CCDC18: variants seen among roughly 807,000 people sequenced by gnomAD.
CCDC18 encodes the protein coiled-coil domain containing 18, also known as coiled-coil domain-containing protein 18.
A neutral mutation model predicts 196.0 loss-of-function variants in CCDC18; 157 were observed. The ratio of observed to expected loss-of-function variants is 0.80; its 90% confidence interval spans 0.70 to 0.91. The LOEUF (loss-of-function observed/expected upper bound fraction) is 0.91. CCDC18 is among the 40% of genes least tolerant of loss of function. The probability of loss-of-function intolerance (pLI) is 0.00; values close to 1 mark genes in which losing one functional copy is unlikely to be tolerated. For synonymous variants in CCDC18, 482 were observed against 529.2 expected (o/e 0.91, Z 1.22); for missense variants, 1,465 against 1,611.6 (o/e 0.91, Z 1.56).
chr1:93,217,381 T>G (rs148607778), intron 13 of CCDC18, among the ~76,000 whole-genome samples: 1 of 152,356 alleles, frequency 6.6e-6, no homozygotes, highest in African/African-American at 2.4e-5. Flanking sequence ...ACTGTGGTTC[T>G]TTAAAGAATG....
chr1:93,255,563 T>C (rs1026270172), intron 24 of CCDC18, among the ~76,000 whole-genome samples: 6 of 152,054 alleles, frequency 3.9e-5, no homozygotes, highest in African/African-American at 9.7e-5. Flanking sequence ...GTGGGACCCC[T>C]GTCTCTACAA....
chr1:93,207,392 G>A lies in CCDC18; in HGVS notation c.1203G>A (p.Gln401=). The A allele has an allele frequency of 6.3e-7, 1 of 1,586,766 alleles. No homozygotes were observed. ...GAAGTTTGGAAAAGATTATATCCCA[G>A]TTGCCAGTAAGTATGTGTGATTACG... ...ELRSLEKIIS[Q]LPLKRELFGF... is the part of the protein sequence containing the mutation. Residue 401 remains glutamine (Q), a synonymous_variant, in exon 9 of 29, where the codon CAG becomes CAA. Coordinates refer to ENST00000690025, the MANE Select transcript of CCDC18 (RefSeq NM_001378204.1).
upstream of CCDC18, chr1:93,180,710 A>T (rs752037190): frequency 2.9e-6 from 4 of 1,358,690 alleles, no homozygotes; most frequent in African/African-American, 4.5e-5. Context: ...GCGCGTCCCA[A>T]CGGCTCCCGC....
chr1:93,236,198 AAG>A, intron 18 of CCDC18, 48 bp from the exon 19 acceptor site: 1 of 1,452,208 alleles, frequency 6.9e-7, no homozygotes, highest in South Asian at 1.3e-5. Context: ...ATATTTATAA[AAG>A]TATTTTTCTT....
In CCDC18 at chr1:93,184,033, C is replaced by G; in HGVS notation, c.190C>G (p.Leu64Val). 1 of 1,587,166 alleles carries G rather than the reference C, an allele frequency of 6.3e-7. No individual in the cohort carries two copies. Among genetic ancestry groups the G allele is most frequent in the Non-Finnish European group, 8.6e-7 (1 of 1,163,380 alleles). Residue 64 changes from leucine to valine, a missense_variant, in exon 3 of 29, where the codon CTA becomes GTA. Coordinates refer to ENST00000690025, the MANE Select transcript of CCDC18 (RefSeq NM_001378204.1). Reference protein sequence around the residue: ...YAPNPSRSEKLILDVQPSHPG... With the variant: ...YAPNPSRSEKVILDVQPSHPG... Reference sequence around the variant, plus strand: ...CCCTAATCCTTCAAGGTCTGAAAAGCTAATTTTGGATGTTCAGCCTAGCCA... The same window carrying G: ...CCCTAATCCTTCAAGGTCTGAAAAGGTAATTTTGGATGTTCAGCCTAGCCA...
intron 28 of CCDC18, among the ~76,000 whole-genome samples, chr1:93,273,049 ATTTC>A (rs1665421267): frequency 2.6e-5 from 4 of 151,534 alleles, no homozygotes; most frequent in South Asian, 2.1e-4. Flanking sequence ...TGGGAGAGAA[ATTTC>A]TTTATCAATT....
intron 19 of CCDC18, among the ~76,000 whole-genome samples, chr1:93,238,525 C>T (rs906802087): frequency 6.6e-6 from 1 of 152,154 alleles, no homozygotes; most frequent in Non-Finnish European, 1.5e-5. Context: ...TACTTGCAAA[C>T]TCAATTTAGA....
intron 23 of CCDC18, among the ~76,000 whole-genome samples, chr1:93,251,252 C>A (rs1266141966): frequency 1.3e-5 from 2 of 152,158 alleles, no homozygotes; most frequent in African/African-American, 4.8e-5. Flanking sequence ...CCTTCTCCTT[C>A]CACATTTTGA....
intron 27 of CCDC18, among the ~76,000 whole-genome samples, chr1:93,267,324 C>A (rs192946797): frequency 6.6e-6 from 1 of 152,306 alleles, no homozygotes; most frequent in Non-Finnish European, 1.5e-5. Context: ...TACAAACCCA[C>A]AGCCAATATC....
chr1:93,193,776 G>C, intron 6 of CCDC18, 32 bp downstream of exon 6: 1 of 1,508,484 alleles, frequency 6.6e-7, no homozygotes. Flanking sequence ...ACATGTTTTT[G>C]AAAGGGAATA....
chr1:93,277,781 T>G (rs1665703466), intron 28 of CCDC18, among the ~76,000 whole-genome samples: 1 of 152,156 alleles, frequency 6.6e-6, no homozygotes, highest in African/African-American at 2.4e-5. Flanking sequence ...TGCTCTTTTT[T>G]TCTTCTTTTA....
At chr1:93,222,021 G>A (rs776180423) in intron 16 of CCDC18, 85 bp downstream of exon 16, 21 of 888,664 alleles carry the variant, frequency 2.4e-5, no homozygotes, top group Non-Finnish European at 3.4e-5. Flanking sequence ...CTAGGCTGGA[G>A]TGCAGTGGCA....
intron 8 of CCDC18, among the ~76,000 whole-genome samples, chr1:93,206,619 C>A (rs776224907): frequency 9.9e-5 from 15 of 152,056 alleles, no homozygotes; most frequent in Non-Finnish European, 1.5e-4. Flanking sequence ...CTTGTTGATG[C>A]AGTATTTCTT....
intron 16 of CCDC18, 85 bp from the exon 17 acceptor site, chr1:93,226,248 C>A: frequency 1.6e-6 from 1 of 633,834 alleles, no homozygotes; most frequent in Admixed American, 2.6e-5. Context: ...TTGAAGCAGT[C>A]AGGTAACATT....
chr1:93,240,957 T>C (rs1660691087), intron 21 of CCDC18, among the ~76,000 whole-genome samples: 1 of 152,136 alleles, frequency 6.6e-6, no homozygotes, highest in Admixed American at 6.6e-5. Flanking sequence ...CAACTTTATT[T>C]CCAAAACATA....
At chr1:93,196,859 A>G (rs1652816583) in intron 6 of CCDC18, among the ~76,000 whole-genome samples, 1 of 152,212 alleles carries the variant, frequency 6.6e-6, no homozygotes, top group Admixed American at 6.5e-5. Context: ...CAGTTCAGTT[A>G]AGTTAGAATA....
intron 26 of CCDC18, among the ~76,000 whole-genome samples, chr1:93,262,840 T>C (rs984863766): frequency 2.0e-5 from 3 of 152,114 alleles, no homozygotes; most frequent in Admixed American, 2.0e-4. Context: ...AGGTTCTCCA[T>C]GAGGGCTCCA....
chr1:93,194,410 A>AGCAATTTT (rs200273571), intron 6 of CCDC18, among the ~76,000 whole-genome samples: 2 of 152,188 alleles, frequency 1.3e-5, no homozygotes, highest in South Asian at 2.1e-4. Context: ...ATCTGTACTA[A>AGCAATTTT]GCAATTTTGC....
At chr1:93,256,210 A>G in intron 24 of CCDC18, 125 bp from the exon 25 acceptor site, 1 of 743,806 alleles carries the variant, frequency 1.3e-6, no homozygotes, top group South Asian at 1.9e-5. Context: ...AAATTTTAAC[A>G]TACTCATTGT....
Sources: allele counts gnomAD v4.1 joint callset (sites outside exome capture counted in the v4.1 genomes callset), GRCh38; gene constraint gnomAD v4.1.1; transcripts MANE v1.5; gene names NCBI Gene and HGNC (gene_info 2026-07-23, HGNC 2026-07-21).